The following TAB2 variants were observed in gnomAD, a reference collection of about 807,000 sequenced individuals.
TAB2 encodes TGF-beta-activated kinase 1 and MAP3K7-binding protein 2.
A neutral mutation model predicts 65.0 loss-of-function variants in TAB2; 3 were observed. The observed-to-expected ratio is 0.05, with a 90% confidence interval of 0.02 to 0.12. TAB2 has a LOEUF of 0.12. Among genes scored for constraint, TAB2 ranks in the 10% least tolerant of loss-of-function variants. The pLI is 1.00. For synonymous variants in TAB2, 298 were observed against 285.1 expected, an observed-to-expected ratio of 1.05 and a Z score of -0.46; for missense variants, 623 against 840.3, an observed-to-expected ratio of 0.74 and a Z score of 3.20.
chr6:149,368,369 A>G (rs1781106476), intron 1 of TAB2, among the ~76,000 whole-genome samples: 2 of 152,076 alleles, frequency 1.3e-5, no homozygotes, highest in Non-Finnish European at 2.9e-5. Context: ...GAGAAAAACT[A>G]TGAAAGCCTG....
chr6:149,357,827 G>A (rs1382742487), intron 1 of TAB2, among the ~76,000 whole-genome samples: 1 of 151,864 alleles, frequency 6.6e-6, no homozygotes, highest in African/African-American at 2.4e-5. Context: ...AGCCTCCCAA[G>A]TAGCTAGGAT....
chr6:149,227,926 A>T (rs1395167885), intron 1 of TAB2, among the ~76,000 whole-genome samples: 1 of 152,188 alleles, frequency 6.6e-6, no homozygotes, highest in Non-Finnish European at 1.5e-5. Context: ...AAATCTGCTA[A>T]CATAGTTGGG....
At chr6:149,403,243 AAAAAATATAT>A (rs1562456044) in intron 6 of TAB2, among the ~76,000 whole-genome samples, 3 of 48,958 alleles carry the variant, frequency 6.1e-5, no homozygotes, top group Non-Finnish European at 1.1e-4. Flanking sequence ...CTAAAAAAAA[AAAAAATATAT>A]ATATATATAT....
intron 6 of TAB2, chr6:149,400,296 ACCTCCTGCTGCT>A: frequency 7.2e-7 from 1 of 1,389,062 alleles, no homozygotes; most frequent in Non-Finnish European, 9.8e-7. Context: ...CACCGCTGTC[ACCTCCTGCTGCT>A]CTTCCTGCTG....
At chr6:149,352,356 ATC>A (rs1230449074) in intron 1 of TAB2, among the ~76,000 whole-genome samples, 1 of 152,174 alleles carries the variant, frequency 6.6e-6, no homozygotes, top group East Asian at 1.9e-4. Flanking sequence ...TAGCTGCAGA[ATC>A]TGTTTGTGTA....
intron 1 of TAB2, among the ~76,000 whole-genome samples, chr6:149,236,767 T>C (rs1034907172): frequency 1.3e-5 from 2 of 152,200 alleles, no homozygotes; most frequent in Non-Finnish European, 2.9e-5. Flanking sequence ...GTTATTTTGT[T>C]TGGAAGGGGT....
At chr6:149,282,832 C>T (rs1361656890) in intron 1 of TAB2, among the ~76,000 whole-genome samples, 1 of 152,172 alleles carries the variant, frequency 6.6e-6, no homozygotes, top group Non-Finnish European at 1.5e-5. Flanking sequence ...TGTCATTACT[C>T]TTGGGGGAAG....
chr6:149,379,459 A>G lies in TAB2; in HGVS notation c.1544A>G (p.Asp515Gly), dbSNP rs780863370. 3 of 1,614,172 alleles carry G rather than the reference A, an allele frequency of 1.9e-6. No homozygotes were observed. Among genetic ancestry groups the G allele is most frequent in the South Asian group, 1.1e-5 (1 of 91,082 alleles). The change falls in exon 3 of 7, where the codon GAT becomes GGT. Residue 515 changes from aspartate to glycine, a missense_variant. Coordinates refer to ENST00000637181, the MANE Select transcript of TAB2 (RefSeq NM_001292034.3). ...ACGGACCCTACATTAGCACATGTGGATAGAATAAGTGAAACACGGAAACTG... is the reference window on the plus strand; with the variant it reads ...ACGGACCCTACATTAGCACATGTGGGTAGAATAAGTGAAACACGGAAACTG... ...HLTDPTLAHVDRISETRKLSM... is the reference protein window; with the variant it reads ...HLTDPTLAHVGRISETRKLSM...
At chr6:149,373,809 C>T (rs1781310055) in intron 2 of TAB2, among the ~76,000 whole-genome samples, 1 of 152,194 alleles carries the variant, frequency 6.6e-6, no homozygotes, top group Non-Finnish European at 1.5e-5. Flanking sequence ...TACCCTTTCT[C>T]ACTAAAAGTA....
chr6:149,287,692 A>AT (rs939114715), intron 1 of TAB2, among the ~76,000 whole-genome samples: 1 of 152,152 alleles, frequency 6.6e-6, no homozygotes, highest in Admixed American at 6.5e-5. Flanking sequence ...GCCTAGTTTT[A>AT]TTTTTTGTAT....
At chr6:149,340,017 C>T (rs12110411) in intron 1 of TAB2, among the ~76,000 whole-genome samples, 7,153 of 152,212 alleles carry the variant, frequency 0.047, 512 homozygotes, top group African/African-American at 0.16. Context: ...TCAGATTCTA[C>T]TGACATATTA....
intron 1 of TAB2, among the ~76,000 whole-genome samples, chr6:149,262,047 T>C (rs759485545): frequency 7.2e-5 from 11 of 152,210 alleles, no homozygotes; most frequent in South Asian, 2.1e-4. Context: ...AGAAATGACA[T>C]GTTTACCAGG....
intron 1 of TAB2, among the ~76,000 whole-genome samples, chr6:149,274,753 G>A (rs1778423957): frequency 6.6e-6 from 1 of 152,232 alleles, no homozygotes; most frequent in Non-Finnish European, 1.5e-5. Context: ...GCCCTAGGTA[G>A]TGCCTGATGC....
At chr6:149,316,003 A>ATT (rs1379923761), upstream of TAB2, among the ~76,000 whole-genome samples, 3 of 152,244 alleles carry the variant, frequency 2.0e-5, 1 homozygote, top group Admixed American at 2.0e-4. Flanking sequence ...TCTGTACTTT[A>ATT]TAATGGTTTC....
At chr6:149,382,168 CCTT>C (rs1413928929) in intron 3 of TAB2, among the ~76,000 whole-genome samples, 1 of 152,200 alleles carries the variant, frequency 6.6e-6, no homozygotes, top group African/African-American at 2.4e-5. Context: ...GCCCTCCTGG[CCTT>C]CTTACTCTCT....
intron 5 of TAB2, 85 bp from the exon 6 acceptor site, chr6:149,399,019 A>AT: frequency 8.3e-7 from 1 of 1,208,844 alleles, no homozygotes; most frequent in Non-Finnish European, 1.2e-6. Flanking sequence ...TAGCGTGTTT[A>AT]TTTTTAGAAA....
intron 1 of TAB2, among the ~76,000 whole-genome samples, chr6:149,240,221 G>A (rs1777573256): frequency 6.6e-6 from 1 of 152,300 alleles, no homozygotes; most frequent in South Asian, 2.1e-4. Context: ...AGCATGGCAG[G>A]GCTCCTCTTT....
chr6:149,383,703 C>G (rs553007586), intron 3 of TAB2, among the ~76,000 whole-genome samples: 48 of 152,328 alleles, frequency 3.2e-4, no homozygotes, highest in Non-Finnish European at 5.7e-4. Flanking sequence ...CTGCCTCAGC[C>G]TCCCGGGTAG....
chr6:149,345,625 C>T (rs1290281438), intron 1 of TAB2, among the ~76,000 whole-genome samples: 2 of 152,198 alleles, frequency 1.3e-5, no homozygotes, highest in Non-Finnish European at 2.9e-5. Flanking sequence ...TGTCCTTCTA[C>T]TCAGCCCCCT....
Sources: allele counts gnomAD v4.1 joint callset (sites outside exome capture counted in the v4.1 genomes callset), GRCh38; gene constraint gnomAD v4.1.1; transcripts MANE v1.5; gene names NCBI Gene and HGNC (gene_info 2026-07-23, HGNC 2026-07-21).